PAAF1: variants seen among roughly 807,000 people sequenced by gnomAD.
The protein encoded by PAAF1 is proteasomal ATPase associated factor 1, also known as proteasomal ATPase-associated factor 1.
In PAAF1, 46 loss-of-function variants were observed where a neutral mutation model predicts 52.8. That is an observed-to-expected ratio of 0.87 (90% CI 0.69 to 1.11). The LOEUF (loss-of-function observed/expected upper bound fraction) is 1.11. Among genes scored for constraint, PAAF1 ranks in the 50% most tolerant of loss-of-function variants. The probability of loss-of-function intolerance (pLI) is 0.00; values close to 1 mark genes in which losing one functional copy is unlikely to be tolerated. For synonymous variants in PAAF1, 178 were observed against 172.8 expected (o/e 1.03, Z -0.24); for missense variants, 424 against 477.4 (o/e 0.89, Z 1.04).
At chr11:73,889,130 GCA>G in intron 3 of PAAF1, 1 of 1,413,292 alleles carries the variant, frequency 7.1e-7, no homozygotes. Context: ...AGGTGTTTTG[GCA>G]CAGCCTGGGT....
chr11:73,908,401 G>GTATA (rs1255758859), intron 6 of PAAF1, among the ~76,000 whole-genome samples: 26 of 146,568 alleles, frequency 1.8e-4, no homozygotes, highest in African/African-American at 5.1e-4. Context: ...ATATATATGT[G>GTATA]TATATATATG....
chr11:73,884,677 T>C (rs1331756101), intron 2 of PAAF1, among the ~76,000 whole-genome samples: 6 of 152,158 alleles, frequency 3.9e-5, no homozygotes, highest in Admixed American at 3.3e-4. Context: ...CTTTCTGAAA[T>C]AGTGCTTCAT....
At chr11:73,925,605 C>G (rs976981971) in intron 11 of PAAF1, among the ~76,000 whole-genome samples, 1 of 151,932 alleles carries the variant, frequency 6.6e-6, no homozygotes, top group Non-Finnish European at 1.5e-5. Context: ...AAATATTATT[C>G]ATTCTTATTA....
At chr11:73,878,609 A>C (rs984857843) in intron 1 of PAAF1, among the ~76,000 whole-genome samples, 170 bp from the exon 2 acceptor site, 2 of 152,246 alleles carry the variant, frequency 1.3e-5, no homozygotes, top group Non-Finnish European at 2.9e-5. Flanking sequence ...TCTTGAACAA[A>C]TAAAGTTTGT....
At chr11:73,908,708 AT>A (rs1424800744) in intron 6 of PAAF1, among the ~76,000 whole-genome samples, 3 of 150,210 alleles carry the variant, frequency 2.0e-5, no homozygotes, top group African/African-American at 7.4e-5. Context: ...CAAGGCAGTG[AT>A]TTTCAAACTG....
At chr11:73,877,861 G>A (rs1948786677) in intron 1 of PAAF1, among the ~76,000 whole-genome samples, 1 of 152,166 alleles carries the variant, frequency 6.6e-6, no homozygotes, top group Non-Finnish European at 1.5e-5. Context: ...ACTCCAGCCT[G>A]GGTGACAGAG....
Position 73,918,949 on chromosome 11 carries a change from G to A in PAAF1, c.936-1G>A. On this transcript the variant is annotated splice_acceptor_variant, in intron 9 of 11. Coordinates refer to ENST00000310571, the MANE Select transcript of PAAF1 (RefSeq NM_025155.3). LOFTEE classifies it high-confidence loss of function. ...AAATTTCCCCTTTCTCTGAATCCTA[G>A]GGCTCCGGTACAAGTCATCCACAGA... 12 of 1,611,850 alleles carry A rather than the reference G, an allele frequency of 7.4e-6. No individual in the cohort carries two copies. Among genetic ancestry groups the A allele is most frequent in the Non-Finnish European group, 1.0e-5 (12 of 1,179,308 alleles).
chr11:73,919,708 A>C (rs1468873529), intron 10 of PAAF1, among the ~76,000 whole-genome samples: 2 of 152,194 alleles, frequency 1.3e-5, no homozygotes, highest in Non-Finnish European at 2.9e-5. Context: ...GCCTGGAGCA[A>C]AGTGTACATT....
Position 73,877,048 on chromosome 11 carries a change from C to A in PAAF1, c.27C>A (p.Ser9Arg). MAAPLRIQSDWAQALRKDE... is the reference protein window; with the variant it reads MAAPLRIQRDWAQALRKDE... ...TGGCGGCGCCTTTGAGGATTCAGAG[C>A]GACTGGGCGCAAGCCCTCAGGTGAA... Residue 9 changes from serine (S) to arginine (R), a missense_variant, in exon 1 of 12, where the codon AGC (serine) becomes AGA (arginine). By Grantham distance (110) the Ser-to-Arg change is moderately radical (BLOSUM62 -1). Coordinates refer to ENST00000310571, the MANE Select transcript of PAAF1 (RefSeq NM_025155.3). 6.5e-7 allele frequency: 1 copy of A among 1,536,450 alleles called. No individual in the cohort carries two copies. Among genetic ancestry groups the A allele is most frequent in the Non-Finnish European group, 8.8e-7 (1 of 1,139,026 alleles).
Position 73,928,322 on chromosome 11 carries a change from G to T in PAAF1, c.*960G>T, listed in dbSNP as rs921262428. ...TCGGTCTGTAGGAGATGAGGCCACAGAGGTTGGCAGAGCCCAAATAGTGAA... is the reference window on the plus strand; with the variant it reads ...TCGGTCTGTAGGAGATGAGGCCACATAGGTTGGCAGAGCCCAAATAGTGAA... On this transcript the variant is annotated 3_prime_UTR_variant, in exon 12 of 12. Transcript: ENST00000310571. The T allele has an allele frequency of 9.9e-5, 15 of 151,776 alleles. No individual in the cohort carries two copies. Among genetic ancestry groups the T allele is most frequent in the African/African-American group, 3.4e-4 (14 of 41,016 alleles). 9.4% of individuals were successfully genotyped at this position (151,776 alleles called of 1,614,324 possible). A position where few individuals can be genotyped will look rare whatever the true frequency, so the allele number is the denominator to read the frequency against.
At chr11:73,900,898 C>T (rs1328551783) in intron 6 of PAAF1, among the ~76,000 whole-genome samples, 2 of 137,478 alleles carry the variant, frequency 1.5e-5, no homozygotes, top group Non-Finnish European at 3.1e-5. Context: ...AGGAGAATGG[C>T]GTGAACCCGG....
chr11:73,902,735 C>G (rs935474718), intron 6 of PAAF1, among the ~76,000 whole-genome samples: 2 of 152,226 alleles, frequency 1.3e-5, no homozygotes, highest in African/African-American at 4.8e-5. Context: ...CTCACTCTGT[C>G]TCCTAGGCTG....
intron 10 of PAAF1, chr11:73,921,525 A>G (rs1950217251): frequency 3.8e-6 from 2 of 523,940 alleles, no homozygotes. Context: ...TTCTTGATCA[A>G]GAGTTTTTCA....
At chr11:73,921,149 T>C (rs1328753520) in intron 10 of PAAF1, among the ~76,000 whole-genome samples, 1 of 151,524 alleles carries the variant, frequency 6.6e-6, no homozygotes, top group Non-Finnish European at 1.5e-5. Context: ...AAAATACCAA[T>C]ATTAGCTAGG....
intron 3 of PAAF1, among the ~76,000 whole-genome samples, chr11:73,889,954 G>A (rs558941343): frequency 1.3e-5 from 2 of 152,350 alleles, no homozygotes; most frequent in South Asian, 4.1e-4. Flanking sequence ...AGAGCATACT[G>A]ATTCAATGAT....
At position 73,924,711 on chromosome 11, in the gene PAAF1, A is replaced by G; in HGVS notation, c.1101+14A>G. On this transcript the variant is annotated intron_variant, in intron 11 of 11. Coordinates refer to ENST00000310571, the MANE Select transcript of PAAF1 (RefSeq NM_025155.3). ...CCTGTGTACAAGGTACAGGCCTGAG[A>G]CGACACCAGACCTGGGTGATTCTCA... 1.9e-6 allele frequency: 3 copies of G among 1,603,738 alleles called. No homozygotes were observed. Among genetic ancestry groups the G allele is most frequent in the Non-Finnish European group, 2.6e-6 (3 of 1,170,826 alleles).
chr11:73,896,969 G>T (rs1461529071), intron 4 of PAAF1, among the ~76,000 whole-genome samples: 28 of 136,956 alleles, frequency 2.0e-4, no homozygotes, highest in African/African-American at 5.8e-4. Flanking sequence ...CGGCTGGCCG[G>T]GCGGGGGGGC....
chr11:73,899,408 CTTTTTTTTT>C (rs71065053), intron 5 of PAAF1, among the ~76,000 whole-genome samples, 164 bp downstream of exon 5: 3 of 101,220 alleles, frequency 3.0e-5, no homozygotes, highest in African/African-American at 7.7e-5. Flanking sequence ...TTCTTTTTCT[CTTTTTTTTT>C]TTTTTTTTTT....
intron 6 of PAAF1, among the ~76,000 whole-genome samples, chr11:73,907,443 TG>T (rs1440301283): frequency 1.3e-5 from 2 of 152,156 alleles, no homozygotes; most frequent in Non-Finnish European, 2.9e-5. Flanking sequence ...GTCATCTTCT[TG>T]GTGAAAGTAG....
Sources: allele counts gnomAD v4.1 joint callset (sites outside exome capture counted in the v4.1 genomes callset), GRCh38; gene constraint gnomAD v4.1.1; transcripts MANE v1.5; gene names NCBI Gene and HGNC (gene_info 2026-07-23, HGNC 2026-07-21).